Variants in ANKRD28 observed in about 807,000 individuals in gnomAD.
ANKRD28 encodes the protein serine/threonine-protein phosphatase 6 regulatory ankyrin repeat subunit A.
A neutral mutation model predicts 126.5 loss-of-function variants in ANKRD28; 44 were observed. The ratio of observed to expected loss-of-function variants is 0.35; its 90% CI spans 0.27 to 0.45. The LOEUF is 0.45. Ranked by LOEUF, ANKRD28 falls within the 20% of genes least tolerant of loss-of-function variation. The pLI is 1.00. For missense variants in ANKRD28, 1,110 were observed against 1,316.6 expected (o/e 0.84, Z 2.43); for synonymous variants, 442 against 468.5 (o/e 0.94, Z 0.73).
intron 27 of ANKRD28, among the ~76,000 whole-genome samples, chr3:15,670,882 C>T (rs1198184559): frequency 1.3e-5 from 2 of 152,094 alleles, no homozygotes; most frequent in African/African-American, 2.4e-5. Flanking sequence ...CACCACATAT[C>T]GTGAATATTC....
At chr3:15,720,277 C>T (rs2073568898) in intron 8 of ANKRD28, among the ~76,000 whole-genome samples, 1 of 151,658 alleles carries the variant, frequency 6.6e-6, no homozygotes, top group African/African-American at 2.4e-5. Context: ...TTTTTTTTCC[C>T]TAACACTGTA....
At chr3:15,742,584 C>T (rs1277966434) in intron 4 of ANKRD28, among the ~76,000 whole-genome samples, 1 of 82,762 alleles carries the variant, frequency 1.2e-5, no homozygotes, top group Admixed American at 1.4e-4. Context: ...TGCCCAGCAG[C>T]CACCCCATCC....
chr3:15,803,346 C>T (rs186282333), intron 1 of ANKRD28, among the ~76,000 whole-genome samples: 7 of 152,112 alleles, frequency 4.6e-5, no homozygotes, highest in African/African-American at 7.2e-5. Context: ...AGGCCGTGCA[C>T]GGTGGCTCAC....
intron 1 of ANKRD28, among the ~76,000 whole-genome samples, chr3:15,828,482 TTC>T (rs752203264): frequency 2.6e-5 from 4 of 152,116 alleles, no homozygotes; most frequent in Non-Finnish European, 5.9e-5. Flanking sequence ...TAAATATGTT[TTC>T]TGTTTCTCTA....
chr3:15,837,340 A>C (rs1288591736), intron 1 of ANKRD28, among the ~76,000 whole-genome samples: 1 of 152,218 alleles, frequency 6.6e-6, no homozygotes, highest in African/African-American at 2.4e-5. Flanking sequence ...CAACAGCAGT[A>C]TAACTTATTC....
At chr3:15,755,987 C>T (rs1439926188) in intron 3 of ANKRD28, among the ~76,000 whole-genome samples, 1 of 152,158 alleles carries the variant, frequency 6.6e-6, no homozygotes, top group African/African-American at 2.4e-5. Flanking sequence ...GTACTATAAA[C>T]CAATATTTAC....
At chr3:15,762,156 C>G (rs1441270784) in intron 3 of ANKRD28, among the ~76,000 whole-genome samples, 1 of 134,930 alleles carries the variant, frequency 7.4e-6, no homozygotes, top group Non-Finnish European at 1.6e-5. Context: ...CCACTGCCCT[C>G]CAGCCTGGGT....
chr3:15,687,332 G>T (rs1052321761), intron 18 of ANKRD28, among the ~76,000 whole-genome samples: 17 of 150,188 alleles, frequency 1.1e-4, no homozygotes, highest in South Asian at 8.4e-4. Context: ...AATTTCAAAT[G>T]ATATATATAT....
chr3:15,701,957 CAAGT>C (rs2070695001), intron 14 of ANKRD28, among the ~76,000 whole-genome samples: 1 of 151,010 alleles, frequency 6.6e-6, no homozygotes, highest in Non-Finnish European at 1.5e-5. Context: ...AATCTTTAAT[CAAGT>C]TCTCTAGATG....
rs189300919 is a variant in ANKRD28, at chr3:15,708,962, C to T, written c.1406+706G>A. 6.6e-5 allele frequency among the ~76,000 whole-genome samples: 10 copies of T among 152,278 alleles called. No individual in the cohort carries two copies. The East Asian group carries it at 1.9e-3, about 29-fold the overall frequency. ...ACACACACAGTTTTGCTTATACTGTCATCTCTTTCAAACCAATTCCAACTG... is the reference window on the plus strand; with the variant it reads ...ACACACACAGTTTTGCTTATACTGTTATCTCTTTCAAACCAATTCCAACTG... On this transcript the variant is annotated intron_variant, in intron 13 of 27. Coordinates refer to ENST00000683139, the MANE Select transcript of ANKRD28 (RefSeq NM_001349278.2).
At chr3:15,775,089 C>CT (rs1245489071) in intron 2 of ANKRD28, among the ~76,000 whole-genome samples, 1 of 147,272 alleles carries the variant, frequency 6.8e-6, no homozygotes, top group East Asian at 2.3e-4. Context: ...GTTGGCCAGG[C>CT]TGGTCTTGAA....
In ANKRD28 at chr3:15,671,578, G is replaced by GTTTT. The variant is rs869032190; in HGVS notation, c.2966-1026_2966-1023dup. Among the ~76,000 whole-genome samples the GTTTT allele has an allele frequency of 5.3e-3, 743 of 141,212 alleles. 34 individuals are homozygous for GTTTT. Among genetic ancestry groups the GTTTT allele is most frequent in the African/African-American group, 0.019 (710 of 36,712 alleles). The allele number at this position is 141,212 out of a possible 152,430, so 92.6% of individuals were successfully genotyped here. A position where few individuals can be genotyped will look rare whatever the true frequency, so the allele number is the denominator to read the frequency against. On this transcript the variant is annotated intron_variant, in intron 27 of 27. Transcript: ENST00000683139. ...TCAACTTGGAGTCATAAACACTATA[G>GTTTT]TTTTTTTTTTGTTTTTTTTTTTTTG...
At chr3:15,788,980 T>C (rs2059906348) in intron 2 of ANKRD28, among the ~76,000 whole-genome samples, 3 of 152,132 alleles carry the variant, frequency 2.0e-5, no homozygotes, top group Non-Finnish European at 4.4e-5. Context: ...GCTAAGAAGA[T>C]ATGAAAATCT....
chr3:15,762,188 TAAAAAA>T (rs1163421626), intron 3 of ANKRD28, among the ~76,000 whole-genome samples: 3 of 64,980 alleles, frequency 4.6e-5, no homozygotes, highest in Admixed American at 1.9e-4. Flanking sequence ...ACTATGTCTT[TAAAAAA>T]AAAAAAAAAA....
In ANKRD28 at chr3:15,771,243, C is replaced by A. The variant is rs564564558; in HGVS notation, c.202-4931G>T. Among the ~76,000 whole-genome samples, 44 of 152,110 alleles carry A rather than the reference C, an allele frequency of 2.9e-4. 1 individual carries two copies. In the South Asian group the frequency reaches 3.1e-3, roughly 11 times the overall value. On this transcript the variant is annotated intron_variant, in intron 2 of 27. Transcript: ENST00000683139. ...CGGCCAACATGGTGAAACACTATCTCTACTAAAAATACAAAAATTAGCCAG... is the reference window on the plus strand; with the variant it reads ...CGGCCAACATGGTGAAACACTATCTATACTAAAAATACAAAAATTAGCCAG...
upstream of ANKRD28, among the ~76,000 whole-genome samples, chr3:15,798,590 C>A (rs1052284865): frequency 6.6e-6 from 1 of 151,792 alleles, no homozygotes; most frequent in African/African-American, 2.4e-5. Flanking sequence ...TAAAATAATC[C>A]TACCTTCCCA....
chr3:15,798,340 TA>T (rs1426168723), upstream of ANKRD28, among the ~76,000 whole-genome samples: 3 of 152,176 alleles, frequency 2.0e-5, no homozygotes, highest in African/African-American at 7.2e-5. Flanking sequence ...TATTAGATTA[TA>T]AAAACCATGA....
At position 15,669,939 on chromosome 3, in the gene ANKRD28, TTC is replaced by T. The variant is rs2066190409; in HGVS notation, c.*329_*330del. The T allele has an allele frequency of 5.1e-6, 1 of 197,066 alleles. No homozygotes were observed. The highest frequency in any genetic ancestry group is 5.5e-5 in the Admixed American group (1 of 18,276). The allele number at this position is 197,066 out of a possible 1,614,324, so 12.2% of individuals were successfully genotyped here. A position where few individuals can be genotyped will look rare whatever the true frequency, so the allele number is the denominator to read the frequency against. On this transcript the variant is annotated 3_prime_UTR_variant, in exon 28 of 28. Transcript: ENST00000683139. ...AATTTAAATCTAGTGTCTTTATTTCTTCTGTTACAATAGTGTTGCTTGTGTAA... is the reference window on the plus strand; with the variant it reads ...AATTTAAATCTAGTGTCTTTATTTCTTGTTACAATAGTGTTGCTTGTGTAA...
intron 8 of ANKRD28, among the ~76,000 whole-genome samples, chr3:15,715,184 A>G (rs529827197): frequency 1.3e-5 from 2 of 152,332 alleles, no homozygotes; most frequent in Non-Finnish European, 2.9e-5. Flanking sequence ...AGGAGTTCCA[A>G]ATATGAAGAA....
Sources: allele counts gnomAD v4.1 joint callset (sites outside exome capture counted in the v4.1 genomes callset), GRCh38; gene constraint gnomAD v4.1.1; transcripts MANE v1.5; gene names NCBI Gene and HGNC (gene_info 2026-07-23, HGNC 2026-07-21).